CLNK: variants seen among roughly 807,000 people sequenced by gnomAD.
CLNK encodes the protein cytokine-dependent hematopoietic cell linker.
A neutral mutation model predicts 68.6 loss-of-function variants in CLNK; 74 were observed. The ratio of observed to expected loss-of-function variants is 1.08; its 90% CI spans 0.89 to 1.31. The LOEUF is 1.31. Ranked by LOEUF, CLNK falls within the 50% of genes most tolerant of loss-of-function variation. The probability of loss-of-function intolerance (pLI) is 0.00; values close to 1 mark genes in which losing one functional copy is unlikely to be tolerated. For missense variants in CLNK, 553 were observed against 515.3 expected (o/e 1.07, Z -0.71); for synonymous variants, 198 against 172.2 (o/e 1.15, Z -1.17).
At chr4:10,507,816 C>T (rs1317103090) in intron 17 of CLNK, 143 bp downstream of exon 17, 6 of 645,110 alleles carry the variant, frequency 9.3e-6, no homozygotes, top group Non-Finnish European at 1.6e-5. Flanking sequence ...TTTTCGACTA[C>T]AGCCTCCCAG....
chr4:10,699,980 A>C, the CLNK span, among the ~76,000 whole-genome samples: 98 of 147,376 alleles, frequency 6.6e-4, no homozygotes, highest in Non-Finnish European at 1.1e-3. Flanking sequence ...ACTTGTGGAT[A>C]TAAAGGACTG....
chr4:10,642,117 A>G (rs1404976720), intron 2 of CLNK, among the ~76,000 whole-genome samples: 1 of 152,242 alleles, frequency 6.6e-6, no homozygotes, highest in Non-Finnish European at 1.5e-5. Context: ...AAACTGTGTA[A>G]GTCAATTTCA....
intron 13 of CLNK, among the ~76,000 whole-genome samples, chr4:10,526,609 C>T (rs993222517): frequency 6.6e-6 from 1 of 152,090 alleles, no homozygotes; most frequent in African/African-American, 2.4e-5. Flanking sequence ...CTCGTCATGG[C>T]GCTTGTATTC....
At chr4:10,605,666 A>G (rs1047897567) in intron 2 of CLNK, among the ~76,000 whole-genome samples, 3 of 151,846 alleles carry the variant, frequency 2.0e-5, no homozygotes, top group Non-Finnish European at 2.9e-5. Flanking sequence ...CGTCTCTACT[A>G]AAAATACAAA....
At chr4:10,672,406 G>A (rs1006305814) in intron 1 of CLNK, among the ~76,000 whole-genome samples, 5 of 151,970 alleles carry the variant, frequency 3.3e-5, no homozygotes, top group African/African-American at 9.7e-5. Flanking sequence ...GTAAAATACG[G>A]GTAATACAAC....
At chr4:10,699,500 A>C in the CLNK span, among the ~76,000 whole-genome samples, 84 of 21,952 alleles carry the variant, frequency 3.8e-3, no homozygotes, top group Non-Finnish European at 5.2e-3. Flanking sequence ...CTCTCTATAT[A>C]TATATATATA....
chr4:10,723,630 CTTT>C, the CLNK span, among the ~76,000 whole-genome samples: 2 of 152,092 alleles, frequency 1.3e-5, no homozygotes, highest in African/African-American at 4.8e-5. Flanking sequence ...CTATCCACTT[CTTT>C]GAGGCAGGGA....
At chr4:10,633,936 A>G (rs1722984655) in intron 2 of CLNK, among the ~76,000 whole-genome samples, 1 of 152,230 alleles carries the variant, frequency 6.6e-6, no homozygotes, top group Admixed American at 6.5e-5. Context: ...AGTTCCCATT[A>G]ATACTTAGGC....
chr4:10,608,358 T>A (rs1279053152), intron 2 of CLNK, among the ~76,000 whole-genome samples: 2 of 152,194 alleles, frequency 1.3e-5, no homozygotes, highest in Non-Finnish European at 2.9e-5. Context: ...CTTCTCCTCC[T>A]CTTCTCCCAT....
intron 8 of CLNK, among the ~76,000 whole-genome samples, chr4:10,550,699 T>C (rs985505629): frequency 6.6e-6 from 1 of 152,178 alleles, no homozygotes; most frequent in Non-Finnish European, 1.5e-5. Flanking sequence ...CACACTTTTT[T>C]TTCCTTCTTC....
In CLNK at chr4:10,571,785, A is replaced by G. The variant is rs1408547456; in HGVS notation, c.113-7T>C. 3 of 1,611,702 alleles carry G rather than the reference A, an allele frequency of 1.9e-6. No individual in the cohort carries two copies. The highest frequency in any genetic ancestry group is 2.5e-6 in the Non-Finnish European group (3 of 1,177,992). On this transcript the variant is annotated splice_polypyrimidine_tract_variant and splice_region_variant and intron_variant, in intron 4 of 18. Transcript: ENST00000226951. ...TTCATCCTCTGGTACTGGCCTGCCA[A>G]CACAAACAGACCGAGTGTTATTTTA...
chr4:10,492,162 TG>T (rs1313854998), intron 18 of CLNK, among the ~76,000 whole-genome samples: 2 of 152,148 alleles, frequency 1.3e-5, no homozygotes, highest in Non-Finnish European at 2.9e-5. Flanking sequence ...CTCAGAGAAG[TG>T]GACCGCCTTA....
At chr4:10,616,082 G>A (rs1446663178) in intron 2 of CLNK, among the ~76,000 whole-genome samples, 1 of 152,124 alleles carries the variant, frequency 6.6e-6, no homozygotes, top group Non-Finnish European at 1.5e-5. Context: ...CAAAGATAAT[G>A]AATATACAAA....
chr4:10,708,397 A>G, the CLNK span, among the ~76,000 whole-genome samples: 1 of 149,744 alleles, frequency 6.7e-6, no homozygotes, highest in Admixed American at 6.6e-5. Context: ...TTTTTTTTCT[A>G]TTTTACAAAT....
intron 7 of CLNK, among the ~76,000 whole-genome samples, chr4:10,561,632 A>G (rs936754678): frequency 6.6e-6 from 1 of 152,170 alleles, no homozygotes; most frequent in African/African-American, 2.4e-5. Context: ...CACTGGTCCA[A>G]TCTCTCTGGA....
Position 10,532,282 on chromosome 4 carries a change from G to T in CLNK, c.604C>A (p.Gln202Lys). The change falls in exon 12 of 19, where the codon CAG (glutamine) becomes AAG (lysine). Residue 202 changes from glutamine (Q) to lysine (K), a missense_variant and splice_region_variant. Physicochemically the swap from Gln to Lys is moderately conservative, Grantham distance 53 (BLOSUM62 1). Transcript: ENST00000226951. ...TFPEVQRMPS[Q>K]ISLRDLSEVL... is the part of the protein sequence containing the mutation. ...TCACTTAAGTCCCTTAAGCTTATCT[G>T]ACTGCAAGAAAAAGAAATACGGTGT... 1.2e-6 allele frequency: 2 copies of T among 1,608,984 alleles called. No homozygotes were observed. The highest frequency in any genetic ancestry group is 1.1e-5 in the South Asian group (1 of 90,540).
At position 10,557,173 on chromosome 4, in the gene CLNK, C is replaced by T. The variant is rs148179993; in HGVS notation, c.445+1234G>A. Reference sequence around the variant, plus strand: ...AAGGTCACACAGCCAGGGAGTGTGCCTTAGGTTTTGGCTACTCTCTGTCCC... The same window carrying T: ...AAGGTCACACAGCCAGGGAGTGTGCTTTAGGTTTTGGCTACTCTCTGTCCC... On this transcript the variant is annotated intron_variant, in intron 8 of 18. Coordinates refer to ENST00000226951, the MANE Select transcript of CLNK (RefSeq NM_052964.4). Among the ~76,000 whole-genome samples the T allele has an allele frequency of 1.9e-3, 289 of 152,074 alleles. 1 individual carries two copies. Among genetic ancestry groups the T allele is most frequent in the African/African-American group, 6.7e-3 (276 of 41,466 alleles).
chr4:10,597,843 T>C, intron 3 of CLNK, 135 bp downstream of exon 3: 2 of 644,958 alleles, frequency 3.1e-6, no homozygotes, highest in Non-Finnish European at 5.4e-6. Context: ...TCCTGCACCT[T>C]GGTCTCTGTC....
At chr4:10,711,675 C>T in the CLNK span, among the ~76,000 whole-genome samples, 31 of 152,186 alleles carry the variant, frequency 2.0e-4, no homozygotes, top group African/African-American at 6.8e-4. Context: ...CTCAGGGCAG[C>T]TGGCTTTGTT....
Sources: gnomAD v4.1 joint callset for allele counts (sites outside exome capture counted in the v4.1 genomes callset) on GRCh38, gnomAD v4.1.1 for gene constraint, MANE v1.5 for transcripts, NCBI Gene and HGNC (gene_info 2026-07-23, HGNC 2026-07-21) for gene names.